The following RPS6KA5 variants were observed in gnomAD, a reference collection of about 807,000 sequenced individuals.
RPS6KA5 encodes the protein ribosomal protein S6 kinase A5.
In RPS6KA5, 27 loss-of-function variants were observed where a neutral mutation model predicts 85.5. The ratio of observed to expected loss-of-function variants is 0.32; its 90% CI spans 0.23 to 0.44. The LOEUF (loss-of-function observed/expected upper bound fraction) is 0.44. Ranked by LOEUF, RPS6KA5 falls within the 20% of genes least tolerant of loss-of-function variation. RPS6KA5 has a pLI of 1.00. For missense variants in RPS6KA5, 811 were observed against 980.9 expected (o/e 0.83, Z 2.31); for synonymous variants, 334 against 348.2 (o/e 0.96, Z 0.46).
chr14:91,046,685 C>G (rs1285997), intron 1 of RPS6KA5, among the ~76,000 whole-genome samples: 111,127 of 152,084 alleles, frequency 0.73, 40,680 homozygotes, highest in East Asian at 0.87. Flanking sequence ...AAAACCGCAT[C>G]GTACAAAGAC....
chr14:90,969,324 T>C (rs991466736), intron 3 of RPS6KA5, among the ~76,000 whole-genome samples: 2 of 152,234 alleles, frequency 1.3e-5, no homozygotes, highest in African/African-American at 4.8e-5. Context: ...TTGCACAGTT[T>C]CAGGCTGCTC....
chr14:90,973,132 T>C (rs1766579486), intron 3 of RPS6KA5, among the ~76,000 whole-genome samples: 1 of 152,154 alleles, frequency 6.6e-6, no homozygotes, highest in Non-Finnish European at 1.5e-5. Context: ...TGGAAGTGTA[T>C]TTGGCAAAAT....
intron 8 of RPS6KA5, among the ~76,000 whole-genome samples, chr14:90,904,822 C>A (rs2035412517): frequency 6.6e-6 from 1 of 151,906 alleles, no homozygotes; most frequent in African/African-American, 2.4e-5. Flanking sequence ...AATTACTATT[C>A]CAAGCTACTG....
rs2032375783 is a variant in RPS6KA5 at position 90,858,168 on chromosome 14, AT to A, written c.*13905del. On this transcript the variant is annotated 3_prime_UTR_variant, in exon 17 of 17. Transcript: ENST00000614987. ...AAAGTACAGCTCACTGCCAGCATTC[AT>A]TTAATTTTACGTAAACACATTCTTT... is the stretch of plus-strand genomic sequence containing the variant. 6.6e-6 allele frequency: 1 copy of A among 152,192 alleles called. No individual in the cohort carries two copies. The highest frequency in any genetic ancestry group is 1.5e-5 in the Non-Finnish European group (1 of 68,030). 9.4% of individuals were successfully genotyped at this position (152,192 alleles called of 1,614,324 possible). A position where few individuals can be genotyped will look rare whatever the true frequency, so the allele number is the denominator to read the frequency against.
At chr14:90,914,477 G>A (rs1049440926) in intron 7 of RPS6KA5, among the ~76,000 whole-genome samples, 1 of 151,892 alleles carries the variant, frequency 6.6e-6, no homozygotes, top group Non-Finnish European at 1.5e-5. Flanking sequence ...ACCATGCCCA[G>A]CTAATTTTTT....
At chr14:91,027,799 A>G (rs1011969769) in intron 1 of RPS6KA5, among the ~76,000 whole-genome samples, 4 of 152,182 alleles carry the variant, frequency 2.6e-5, no homozygotes, top group African/African-American at 9.7e-5. Context: ...ACTGACAGTT[A>G]AATACACCAG....
At chr14:90,917,733 C>CTT (rs71117388) in intron 7 of RPS6KA5, among the ~76,000 whole-genome samples, 12,905 of 151,046 alleles carry the variant, frequency 0.085, 1,561 homozygotes, top group African/African-American at 0.26. Flanking sequence ...CAAATCATTC[C>CTT]TTTTTTTTAA....
intron 3 of RPS6KA5, among the ~76,000 whole-genome samples, chr14:90,949,987 G>A (rs1197220623): frequency 1.3e-5 from 2 of 152,186 alleles, no homozygotes; most frequent in African/African-American, 4.8e-5. Flanking sequence ...TGTATACTTT[G>A]TAAGTTGTAC....
At chr14:90,940,075 A>G (rs989072033) in intron 5 of RPS6KA5, among the ~76,000 whole-genome samples, 12 of 152,220 alleles carry the variant, frequency 7.9e-5, no homozygotes, top group African/African-American at 2.7e-4. Flanking sequence ...CAGAGGACTC[A>G]GCAAAGGAAA....
At chr14:90,938,248 C>T (rs1275212007) in intron 5 of RPS6KA5, among the ~76,000 whole-genome samples, 3 of 152,222 alleles carry the variant, frequency 2.0e-5, no homozygotes, top group South Asian at 2.1e-4. Flanking sequence ...ATCCAGGTCA[C>T]GCTGATGCAA....
intron 5 of RPS6KA5, among the ~76,000 whole-genome samples, chr14:90,934,838 C>T (rs572706913): frequency 1.2e-4 from 19 of 152,256 alleles, no homozygotes; most frequent in Non-Finnish European, 2.4e-4. Flanking sequence ...CACTAATGAA[C>T]GGCTCAAGCT....
At position 90,870,441 on chromosome 14, in the gene RPS6KA5, G is replaced by C. The variant is rs903594114; in HGVS notation, c.*1633C>G. 5 of 152,084 alleles carry C rather than the reference G, an allele frequency of 3.3e-5. No individual in the cohort carries two copies. Among genetic ancestry groups the C allele is most frequent in the African/African-American group, 1.2e-4 (5 of 41,406 alleles). The allele number at this position is 152,084 out of a possible 1,614,324, so 9.4% of individuals were successfully genotyped here. ...CCAATAACCACTGTGGACAAAATGT[G>C]AACAGGATAATATAATATTTTGAAA... On this transcript the variant is annotated 3_prime_UTR_variant, in exon 17 of 17. Transcript: ENST00000614987.
At chr14:90,924,497 G>GT (rs1325405450) in intron 5 of RPS6KA5, among the ~76,000 whole-genome samples, 1 of 152,098 alleles carries the variant, frequency 6.6e-6, no homozygotes, top group Non-Finnish European at 1.5e-5. Context: ...AGACTTCAAG[G>GT]TAACAGTTCT....
At chr14:90,955,757 T>C (rs186353662) in intron 3 of RPS6KA5, among the ~76,000 whole-genome samples, 1 of 152,326 alleles carries the variant, frequency 6.6e-6, no homozygotes, top group East Asian at 1.9e-4. Context: ...AGGTGGTTTA[T>C]TGTGTTGTTT....
chr14:90,958,641 T>G (rs2038645525), intron 3 of RPS6KA5, among the ~76,000 whole-genome samples: 1 of 152,176 alleles, frequency 6.6e-6, no homozygotes, highest in South Asian at 2.1e-4. Context: ...TAAGGTTTGT[T>G]CATTTTATTC....
chr14:90,926,403 CA>C (rs575537273), intron 5 of RPS6KA5, among the ~76,000 whole-genome samples: 17 of 140,390 alleles, frequency 1.2e-4, no homozygotes, highest in Non-Finnish European at 2.0e-4. Flanking sequence ...AAAAAAAAAA[CA>C]AAAAAAAAGA....
Position 90,872,278 on chromosome 14 carries a change from A to G in RPS6KA5, c.2205T>C (p.Val735=), listed in dbSNP as rs148567600. 1.7e-4 allele frequency: 268 copies of G among 1,613,800 alleles called. No homozygotes were observed. Among genetic ancestry groups the G allele is most frequent in the Non-Finnish European group, 2.2e-4 (257 of 1,180,008 alleles). Residue 735 remains valine (V), a synonymous_variant, in exon 17 of 17, where the codon GTT becomes GTC. Transcript: ENST00000614987. ...TTCTCTTAGCCAAAGGGGCCTTATC[A>G]ACATTCTGAAGGCAAAACCCCTCTC... ...YKREGFCLQN[V]DKAPLAKRRK...
intron 3 of RPS6KA5, among the ~76,000 whole-genome samples, chr14:90,952,651 G>T (rs1311589001): frequency 6.6e-6 from 1 of 152,240 alleles, no homozygotes; most frequent in African/African-American, 2.4e-5. Context: ...CTGTTATTTG[G>T]CTTGGGGATC....
chr14:91,007,008 T>C (rs985001025), intron 1 of RPS6KA5, among the ~76,000 whole-genome samples: 4 of 152,236 alleles, frequency 2.6e-5, no homozygotes, highest in African/African-American at 4.8e-5. Flanking sequence ...AGAAGAGTTT[T>C]ACATTGGTGT....
Sources: allele counts gnomAD v4.1 joint callset (sites outside exome capture counted in the v4.1 genomes callset), GRCh38; gene constraint gnomAD v4.1.1; transcripts MANE v1.5; gene names NCBI Gene and HGNC (gene_info 2026-07-23, HGNC 2026-07-21).